Variants in CDK15 observed in about 807,000 individuals in gnomAD.
The protein encoded by CDK15 is cyclin dependent kinase 15.
A neutral mutation model predicts 60.3 loss-of-function variants in CDK15; 62 were observed. The observed-to-expected ratio is 1.03, with a 90% CI of 0.84 to 1.27. The LOEUF (loss-of-function observed/expected upper bound fraction) is 1.27. CDK15 is among the 50% of genes most tolerant of loss of function. CDK15 has a pLI of 0.00. For synonymous variants in CDK15, 194 were observed against 195.7 expected (o/e 0.99, Z 0.07); for missense variants, 541 against 527.8 (o/e 1.03, Z -0.25).
chr2:201,864,992 C>A (rs756706888), intron 10 of CDK15, among the ~76,000 whole-genome samples: 6 of 152,158 alleles, frequency 3.9e-5, no homozygotes, highest in Non-Finnish European at 7.3e-5. Flanking sequence ...GGGGCCAGTA[C>A]TGCAGGACTG....
At chr2:201,867,949 A>G (rs1338609480) in intron 10 of CDK15, among the ~76,000 whole-genome samples, 5 of 152,232 alleles carry the variant, frequency 3.3e-5, no homozygotes, top group African/African-American at 9.6e-5. Context: ...GAGGCTAAGC[A>G]ATTTCCCTAA....
intron 11 of CDK15, among the ~76,000 whole-genome samples, chr2:201,878,646 G>A (rs1699166982): frequency 6.6e-6 from 1 of 151,832 alleles, no homozygotes; most frequent in Non-Finnish European, 1.5e-5. Context: ...GTTATACCTG[G>A]GCTGCTATAA....
Position 201,840,089 on chromosome 2 carries a change from A to G in CDK15, c.851+4326A>G, listed in dbSNP as rs550833946. On this transcript the variant is annotated intron_variant, in intron 8 of 13. Transcript: ENST00000652192. ...AACCTCCACCTCCTGGGTTCAAGCG[A>G]TTCTCCTGCCTTAACCTCCCAAGTA... Among the ~76,000 whole-genome samples the G allele has an allele frequency of 2.6e-5, 4 of 152,060 alleles. No homozygotes were observed. The South Asian group carries it at 8.3e-4, about 32-fold the overall frequency.
chr2:201,833,219 G>T (rs569044594), intron 6 of CDK15, among the ~76,000 whole-genome samples: 18 of 140,360 alleles, frequency 1.3e-4, no homozygotes, highest in South Asian at 2.3e-4. Flanking sequence ...TGAGGGGGGG[G>T]GTCTAACTTA....
chr2:201,841,617 T>C (rs1559129843), intron 8 of CDK15, among the ~76,000 whole-genome samples: 4 of 152,094 alleles, frequency 2.6e-5, no homozygotes, highest in African/African-American at 9.7e-5. Context: ...CCCCATAGGG[T>C]CCAAAGTGAA....
chr2:201,864,915 G>T (rs1698555427), intron 10 of CDK15, among the ~76,000 whole-genome samples: 1 of 152,172 alleles, frequency 6.6e-6, no homozygotes, highest in African/African-American at 2.4e-5. Context: ...TAAAGCCTCA[G>T]GTGTGAATTT....
intron 8 of CDK15, among the ~76,000 whole-genome samples, chr2:201,838,452 G>A (rs1330646584): frequency 6.6e-6 from 1 of 152,126 alleles, no homozygotes; most frequent in Non-Finnish European, 1.5e-5. Context: ...GGTTGCCCAG[G>A]CTGGAGTACA....
intron 10 of CDK15, among the ~76,000 whole-genome samples, chr2:201,868,909 G>T (rs1263831595): frequency 6.6e-6 from 1 of 152,208 alleles, no homozygotes. Flanking sequence ...GGAGAAATAG[G>T]AATGCTTATA....
At chr2:201,856,670 T>C (rs983143051) in intron 10 of CDK15, among the ~76,000 whole-genome samples, 1 of 152,154 alleles carries the variant, frequency 6.6e-6, no homozygotes, top group African/African-American at 2.4e-5. Flanking sequence ...GTCCACTCTG[T>C]TCTCTATTTT....
chr2:201,874,154 C>T (rs1574930559), intron 11 of CDK15, among the ~76,000 whole-genome samples: 2 of 151,590 alleles, frequency 1.3e-5, no homozygotes, highest in Admixed American at 1.3e-4. Flanking sequence ...CCACATGTGG[C>T]TATTTAACTT....
chr2:201,854,776 C>CGA, intron 9 of CDK15, 98 bp from the exon 10 acceptor site: 1 of 973,888 alleles, frequency 1.0e-6, no homozygotes, highest in Non-Finnish European at 1.6e-6. Flanking sequence ...CTGACGCTTC[C>CGA]CTGTTCTTCC....
intron 10 of CDK15, among the ~76,000 whole-genome samples, chr2:201,859,231 T>C (rs1002157320): frequency 3.9e-5 from 6 of 152,188 alleles, no homozygotes; most frequent in African/African-American, 1.4e-4. Context: ...GTAGCTAGAA[T>C]GGACAGGAGT....
chr2:201,835,591 G>T, intron 7 of CDK15, 52 bp from the exon 8 acceptor site: 1 of 1,469,672 alleles, frequency 6.8e-7, no homozygotes, highest in Non-Finnish European at 9.2e-7. Context: ...GTGCATCATG[G>T]TGCAAGCCAA....
rs61612545 is a variant in CDK15 at position 201,874,053 on chromosome 2, CAAAAAAAAAAAAAAA to C, written c.1058+1741_1058+1755del. On this transcript the variant is annotated intron_variant, in intron 11 of 13. Transcript: ENST00000652192. Reference sequence around the variant, plus strand: ...TGGGAGACAGAGTGAGACTCCGTCTCAAAAAAAAAAAAAAAAAAAAAAAAAAAAGTTGGGGGGAGG... The same window carrying C: ...TGGGAGACAGAGTGAGACTCCGTCTCAAAAAAAAAAAAAGTTGGGGGGAGG... 1.5e-3 allele frequency among the ~76,000 whole-genome samples: 167 copies of C among 113,976 alleles called. 1 individual carries two copies. Among genetic ancestry groups the C allele is most frequent in the African/African-American group, 6.5e-3 (156 of 24,142 alleles). The allele number at this position is 113,976 out of a possible 152,430, so 74.8% of individuals were successfully genotyped here.
chr2:201,841,698 C>T (rs570490888), intron 8 of CDK15, among the ~76,000 whole-genome samples: 30 of 152,292 alleles, frequency 2.0e-4, no homozygotes, highest in Non-Finnish European at 4.1e-4. Context: ...AATTATAACC[C>T]GTAGTGCAGA....
chr2:201,890,498 G>C (rs1699607408), intron 12 of CDK15, among the ~76,000 whole-genome samples: 3 of 152,190 alleles, frequency 2.0e-5, no homozygotes, highest in Admixed American at 2.0e-4. Context: ...TTCTTTGTAT[G>C]TGTATGTGTG....
intron 11 of CDK15, among the ~76,000 whole-genome samples, chr2:201,872,555 C>G (rs1185621462): frequency 6.6e-6 from 1 of 152,086 alleles, no homozygotes; most frequent in Middle Eastern, 3.2e-3. Context: ...TTTTGTGTCC[C>G]TCAGCCATGC....
intron 4 of CDK15, among the ~76,000 whole-genome samples, chr2:201,818,942 T>G (rs1307891124): frequency 1.3e-5 from 2 of 149,300 alleles, no homozygotes; most frequent in African/African-American, 5.0e-5. Context: ...TTCCAGGCAC[T>G]GAGTATATAG....
chr2:201,834,751 G>A (rs1252590588), intron 7 of CDK15, among the ~76,000 whole-genome samples: 1 of 152,144 alleles, frequency 6.6e-6, no homozygotes, highest in African/African-American at 2.4e-5. Context: ...GTGAGCTAAG[G>A]AACCACTCTT....
Sources: gnomAD v4.1 joint callset for allele counts (sites outside exome capture counted in the v4.1 genomes callset) on GRCh38, gnomAD v4.1.1 for gene constraint, MANE v1.5 for transcripts, NCBI Gene and HGNC (gene_info 2026-07-23, HGNC 2026-07-21) for gene names.